The following OCA2 variants were observed in gnomAD, a reference collection of about 807,000 sequenced individuals.
OCA2 encodes the protein P protein.
Under a neutral mutation model 100.2 loss-of-function variants are expected in OCA2, and 77 were observed. That is an observed-to-expected ratio of 0.77 (90% CI 0.64 to 0.93). The LOEUF (loss-of-function observed/expected upper bound fraction) is 0.93. Ranked by LOEUF, OCA2 falls within the 40% of genes least tolerant of loss-of-function variation. The pLI is 0.00. For synonymous variants in OCA2, 432 were observed against 439.2 expected (o/e 0.98, Z 0.21); for missense variants, 1,062 against 1,089.1 (o/e 0.98, Z 0.35).
chr15:27,904,425 G>A (rs554492677), intron 19 of OCA2, among the ~76,000 whole-genome samples: 1 of 152,284 alleles, frequency 6.6e-6, no homozygotes, highest in South Asian at 2.1e-4. Flanking sequence ...AGTGCGGGGT[G>A]TATCCTTGGC....
chr15:27,957,455 C>T lies in OCA2; in HGVS notation c.1784+133G>A, dbSNP rs2040260799. 9.3e-7 allele frequency: 1 copy of T among 1,075,788 alleles called. No individual in the cohort carries two copies. Among genetic ancestry groups the T allele is most frequent in the Admixed American group, 1.7e-5 (1 of 57,800 alleles). The allele number at this position is 1,075,788 out of a possible 1,614,324, so 66.6% of individuals were successfully genotyped here. A position where few individuals can be genotyped will look rare whatever the true frequency, so the allele number is the denominator to read the frequency against. On this transcript the variant is annotated intron_variant, in intron 16 of 23. Coordinates refer to ENST00000354638, the MANE Select transcript of OCA2 (RefSeq NM_000275.3). The surrounding 1 kb of genome is among the most constrained non-coding windows in gnomAD (Gnocchi z 4.3). ...CTCAGTGAGGGTTAGATAAAATGTACTATAAGAGGCTTAGCACAGTGTGCG... is the reference window on the plus strand; with the variant it reads ...CTCAGTGAGGGTTAGATAAAATGTATTATAAGAGGCTTAGCACAGTGTGCG...
chr15:27,725,941 C>G, the OCA2 span, among the ~76,000 whole-genome samples: 1 of 151,980 alleles, frequency 6.6e-6, no homozygotes, highest in Non-Finnish European at 1.5e-5. Flanking sequence ...CAGCTGTGCC[C>G]TCTCTAGAGC....
At chr15:28,093,715 T>C (rs2044912956) in intron 1 of OCA2, among the ~76,000 whole-genome samples, 1 of 152,002 alleles carries the variant, frequency 6.6e-6, no homozygotes, top group Non-Finnish European at 1.5e-5. Context: ...TAGGGGAGTG[T>C]GAAATAGGCT....
intron 3 of OCA2, 80 bp downstream of exon 3, chr15:28,031,985 G>A (rs1309816565): frequency 2.4e-5 from 24 of 1,015,774 alleles, no homozygotes; most frequent in African/African-American, 6.3e-5. Context: ...ATAAAAATTC[G>A]TGTCTCAAGT....
Position 27,814,949 on chromosome 15 carries a change from G to GATAT in OCA2, c.2432+30009_2432+30010insATAT, listed in dbSNP as rs552381050. 9.1e-4 allele frequency among the ~76,000 whole-genome samples: 116 copies of GATAT among 127,170 alleles called. 1 individual carries two copies. Among genetic ancestry groups the GATAT allele is most frequent in the African/African-American group, 3.2e-3 (111 of 34,490 alleles). The allele number at this position is 127,170 out of a possible 152,430, so 83.4% of individuals were successfully genotyped here. ...ATAGATAGATAGATAGATAGATACAGAGATATATATATATATATCTTCTTT... is the reference window on the plus strand; with the variant it reads ...ATAGATAGATAGATAGATAGATACAGATATAGATATATATATATATATCTTCTTT... On this transcript the variant is annotated intron_variant, in intron 23 of 23. Transcript: ENST00000354638.
chr15:28,019,082 G>A (rs1409929000), intron 6 of OCA2, among the ~76,000 whole-genome samples: 1 of 152,160 alleles, frequency 6.6e-6, no homozygotes. Context: ...GGAGAAGCTA[G>A]GAGGGTGGGG....
intron 23 of OCA2, among the ~76,000 whole-genome samples, chr15:27,780,174 A>G (rs1483148199): frequency 1.3e-5 from 2 of 152,314 alleles, no homozygotes; most frequent in African/African-American, 4.8e-5. Flanking sequence ...GGCCCTCCAC[A>G]TGCTGAGAGG....
chr15:28,055,113 G>A (rs991639638), intron 2 of OCA2, among the ~76,000 whole-genome samples: 6 of 152,266 alleles, frequency 3.9e-5, no homozygotes, highest in Non-Finnish European at 8.8e-5. Context: ...CTCCAAATGC[G>A]TGTCCACTTT....
chr15:27,844,989 C>A lies in OCA2; in HGVS notation c.2402G>T (p.Gly801Val). 2 of 1,613,488 alleles carry A rather than the reference C, an allele frequency of 1.2e-6. No individual in the cohort carries two copies. Residue 801 changes from glycine to valine, a missense_variant, in exon 23 of 24, where the codon GGA (glycine) becomes GTA (valine). Transcript: ENST00000354638. ...VVCAGIAEQHGYGFSFMEFFR... is the reference protein window; with the variant it reads ...VVCAGIAEQHVYGFSFMEFFR... ...AAATTCCATGAAGGAGAACCCATAT[C>A]CATGCTGTTCTGCAATCCCTGCACA...
At position 27,754,998 on chromosome 15, in the gene OCA2, T is replaced by A; in HGVS notation, c.*390A>T. 1 of 254,270 alleles carries A rather than the reference T, an allele frequency of 3.9e-6. No homozygotes were observed. Among genetic ancestry groups the A allele is most frequent in the East Asian group, 8.4e-5 (1 of 11,916 alleles). 15.8% of individuals were successfully genotyped at this position (254,270 alleles called of 1,614,324 possible). A position where few individuals can be genotyped will look rare whatever the true frequency, so the allele number is the denominator to read the frequency against. On this transcript the variant is annotated 3_prime_UTR_variant, in exon 24 of 24. Transcript: ENST00000354638. Reference sequence around the variant, plus strand: ...ATGCTGATTATTTTAACATGAAAAGTGATTACAAGAAAAACAAACTGTGTT... The same window carrying A: ...ATGCTGATTATTTTAACATGAAAAGAGATTACAAGAAAAACAAACTGTGTT...
chr15:28,001,144 A>G (rs1169652671), intron 9 of OCA2, among the ~76,000 whole-genome samples: 1 of 152,202 alleles, frequency 6.6e-6, no homozygotes, highest in East Asian at 1.9e-4. Flanking sequence ...TCTCAAGTAG[A>G]TATCTGTGCG....
intron 19 of OCA2, among the ~76,000 whole-genome samples, chr15:27,904,416 G>A (rs2038089815): frequency 1.3e-5 from 2 of 152,284 alleles, no homozygotes; most frequent in African/African-American, 4.8e-5. Flanking sequence ...GCACACTACA[G>A]TGCGGGGTGT....
intron 2 of OCA2, among the ~76,000 whole-genome samples, chr15:28,054,204 A>ATGTG (rs1389838806): frequency 3.3e-5 from 5 of 150,404 alleles, no homozygotes; most frequent in African/African-American, 9.9e-5. Flanking sequence ...GCACACATGT[A>ATGTG]TGTGTGTATG....
intron 18 of OCA2, among the ~76,000 whole-genome samples, chr15:27,937,909 T>C (rs529910184): frequency 1.1e-4 from 16 of 152,370 alleles, no homozygotes; most frequent in African/African-American, 3.8e-4. Context: ...AAGTTCCTAA[T>C]TTTAAGATAG....
At chr15:28,054,212 ATG>A (rs1566845052) in intron 2 of OCA2, among the ~76,000 whole-genome samples, 1 of 150,122 alleles carries the variant, frequency 6.7e-6, no homozygotes, top group Non-Finnish European at 1.5e-5. Context: ...GTATGTGTGT[ATG>A]TATGTGTATG....
chr15:27,877,708 A>T (rs1026544890), intron 19 of OCA2, among the ~76,000 whole-genome samples: 5 of 152,048 alleles, frequency 3.3e-5, no homozygotes, highest in Non-Finnish European at 7.4e-5. Flanking sequence ...CATGTCCCAT[A>T]TCATTGCTCA....
At chr15:27,936,508 G>A (rs111452341) in intron 18 of OCA2, among the ~76,000 whole-genome samples, 87 of 152,144 alleles carry the variant, frequency 5.7e-4, no homozygotes, top group African/African-American at 2.0e-3. Flanking sequence ...TATAATCTTC[G>A]TGTCTTCCTG....
intron 19 of OCA2, among the ~76,000 whole-genome samples, chr15:27,889,699 G>A (rs1215912901): frequency 1.3e-5 from 2 of 152,216 alleles, no homozygotes; most frequent in Non-Finnish European, 2.9e-5. Context: ...TTGCTAGCCT[G>A]TCAGAGCCAG....
At chr15:27,952,074 T>C (rs867978891) in intron 17 of OCA2, among the ~76,000 whole-genome samples, 182 bp from the exon 18 acceptor site, 1 of 152,230 alleles carries the variant, frequency 6.6e-6, no homozygotes, top group South Asian at 2.1e-4. Flanking sequence ...TCAGGATTAC[T>C]GCATTCAAAA....
Sources: gnomAD v4.1 joint callset for allele counts (sites outside exome capture counted in the v4.1 genomes callset) on GRCh38, gnomAD v4.1.1 for gene constraint, Gnocchi (gnomAD v3.1) non-coding constraint, MANE v1.5 for transcripts, NCBI Gene and HGNC (gene_info 2026-07-23, HGNC 2026-07-21) for gene names.